Variants in CCDC3 observed in about 807,000 individuals in gnomAD.
CCDC3 encodes coiled-coil domain-containing protein 3.
Under a neutral mutation model 21.4 loss-of-function variants are expected in CCDC3, and 24 were observed. The observed-to-expected ratio is 1.12, with a 90% confidence interval of 0.81 to 1.58. The LOEUF (loss-of-function observed/expected upper bound fraction) is 1.58, where lower values mean the gene tolerates loss of function less well. Among genes scored for constraint, CCDC3 ranks in the 40% most tolerant of loss-of-function variants. The pLI is 0.00. For synonymous variants in CCDC3, 186 were observed against 166.0 expected (o/e 1.12, Z -0.93); for missense variants, 425 against 360.9 (o/e 1.18, Z -1.44).
At chr10:13,057,340 T>C (rs1424943073) in intron 4 of CCDC3, among the ~76,000 whole-genome samples, 4 of 152,062 alleles carry the variant, frequency 2.6e-5, no homozygotes, top group African/African-American at 9.7e-5. Flanking sequence ...AGAAGACTTT[T>C]CATGATTCCT....
chr10:12,993,800 C>T lies in CCDC3; in HGVS notation c.549+4538G>A, dbSNP rs577232754. 2.8e-4 allele frequency among the ~76,000 whole-genome samples: 42 copies of T among 152,244 alleles called. 1 individual carries two copies. In the South Asian group the frequency reaches 7.9e-3, roughly 29 times the overall value. ...AGCTTTTGAAAGAAAGATCCCGTTGCTATTTACTAATGCGTGGGTGGGATA... is the reference window on the plus strand; with the variant it reads ...AGCTTTTGAAAGAAAGATCCCGTTGTTATTTACTAATGCGTGGGTGGGATA... On this transcript the variant is annotated intron_variant, in intron 2 of 2. Coordinates refer to ENST00000378825, the MANE Select transcript of CCDC3 (RefSeq NM_031455.4).
At chr10:12,981,827 A>C (rs749048169) in intron 2 of CCDC3, among the ~76,000 whole-genome samples, 9 of 152,082 alleles carry the variant, frequency 5.9e-5, no homozygotes, top group Non-Finnish European at 1.2e-4. Flanking sequence ...CCATGAGTTA[A>C]AAATGAGAAG....
At chr10:13,039,377 C>T (rs1054813930) in intron 5 of CCDC3, among the ~76,000 whole-genome samples, 1 of 151,064 alleles carries the variant, frequency 6.6e-6, no homozygotes, top group African/African-American at 2.4e-5. Flanking sequence ...GAACTGAGAT[C>T]GTGCCACTGC....
At chr10:13,081,788 G>T (rs938099446) in intron 3 of CCDC3, among the ~76,000 whole-genome samples, 1 of 152,208 alleles carries the variant, frequency 6.6e-6, no homozygotes, top group Non-Finnish European at 1.5e-5. Context: ...TGGCTAAAAT[G>T]GATTAAATAT....
At chr10:13,024,860 G>T (rs1836195373) in intron 5 of CCDC3, among the ~76,000 whole-genome samples, 1 of 152,022 alleles carries the variant, frequency 6.6e-6, no homozygotes, top group Non-Finnish European at 1.5e-5. Context: ...ACATAACTTG[G>T]GTTCTCTTTC....
intron 2 of CCDC3, among the ~76,000 whole-genome samples, chr10:12,942,884 G>A (rs1589015756): frequency 6.6e-6 from 1 of 152,256 alleles, no homozygotes; most frequent in Middle Eastern, 3.4e-3. Flanking sequence ...CACTCCTTGT[G>A]TGTCCTCGTC....
intron 3 of CCDC3, among the ~76,000 whole-genome samples, chr10:13,090,036 T>TAGATAG (rs1188514602): frequency 0.012 from 22 of 1,842 alleles, no homozygotes; most frequent in African/African-American, 0.013. Flanking sequence ...TTCCGTTAGA[T>TAGATAG]ATATATATAT....
intron 2 of CCDC3, among the ~76,000 whole-genome samples, chr10:12,990,861 T>C (rs1835670516): frequency 6.6e-6 from 1 of 152,248 alleles, no homozygotes; most frequent in Admixed American, 6.5e-5. Flanking sequence ...TGTATTTTCA[T>C]GTAGGAATAC....
rs1554756648 is a variant in CCDC3, at chr10:12,960,168, A to ACAACACACACAC, written c.549+38169_549+38170insGTGTGTGTGTTG. ...GACTCCATTTCACACACACACACAC[A>ACAACACACACAC]ACACACACACACACACACACACAAA... On this transcript the variant is annotated intron_variant, in intron 2 of 2. Coordinates refer to ENST00000378825, the MANE Select transcript of CCDC3 (RefSeq NM_031455.4). Among the ~76,000 whole-genome samples the ACAACACACACAC allele has an allele frequency of 4.0e-5, 6 of 148,854 alleles. No homozygotes were observed. The South Asian group carries it at 8.6e-4, about 21-fold the overall frequency.
At chr10:12,967,924 G>A (rs150973980) in intron 2 of CCDC3, among the ~76,000 whole-genome samples, 1,619 of 152,102 alleles carry the variant, frequency 0.011, 22 homozygotes, top group East Asian at 0.046. Context: ...TAATCCCAGC[G>A]CTTTGGGAGG....
chr10:13,042,112 T>C (rs1836465549), intron 5 of CCDC3, among the ~76,000 whole-genome samples: 1 of 152,152 alleles, frequency 6.6e-6, no homozygotes, highest in African/African-American at 2.4e-5. Context: ...TGAAGACCAA[T>C]AGCCTGGATC....
chr10:12,941,420 G>A (rs748604272), intron 2 of CCDC3, among the ~76,000 whole-genome samples: 1 of 152,104 alleles, frequency 6.6e-6, no homozygotes, highest in Non-Finnish European at 1.5e-5. Context: ...CCATGGCCTC[G>A]CCTTGAATTC....
chr10:12,990,739 AT>A (rs1835668721), intron 2 of CCDC3, among the ~76,000 whole-genome samples: 1 of 152,238 alleles, frequency 6.6e-6, no homozygotes, highest in African/African-American at 2.4e-5. Context: ...ATCTCACCAC[AT>A]TTGGAAGGTC....
At chr10:12,938,301 C>A (rs1006751165) in intron 2 of CCDC3, among the ~76,000 whole-genome samples, 1 of 151,962 alleles carries the variant, frequency 6.6e-6, no homozygotes, top group East Asian at 1.9e-4. Context: ...CCAGTCCACA[C>A]GTTCAATACT....
At chr10:12,975,365 C>G (rs549675486) in intron 2 of CCDC3, among the ~76,000 whole-genome samples, 4 of 152,306 alleles carry the variant, frequency 2.6e-5, no homozygotes, top group African/African-American at 9.6e-5. Flanking sequence ...CAGGAACCTT[C>G]CAGAGTTCTG....
chr10:12,990,162 C>G (rs1429016664), intron 2 of CCDC3, among the ~76,000 whole-genome samples: 1 of 150,336 alleles, frequency 6.7e-6, no homozygotes, highest in African/African-American at 2.5e-5. Flanking sequence ...GAGGCTGAGG[C>G]AGGAGAATGG....
intron 2 of CCDC3, among the ~76,000 whole-genome samples, chr10:12,977,178 G>A (rs1331471867): frequency 1.3e-5 from 2 of 152,184 alleles, no homozygotes. Flanking sequence ...GAGAGGCTGA[G>A]GCAGGAGAAT....
At chr10:12,992,214 A>C (rs1242905521) in intron 2 of CCDC3, among the ~76,000 whole-genome samples, 1 of 152,140 alleles carries the variant, frequency 6.6e-6, no homozygotes, top group Non-Finnish European at 1.5e-5. Flanking sequence ...ACATGGTGAA[A>C]CACCATCTCT....
At chr10:13,033,883 C>T (rs1414211063) in intron 5 of CCDC3, among the ~76,000 whole-genome samples, 3 of 152,192 alleles carry the variant, frequency 2.0e-5, no homozygotes, top group Non-Finnish European at 2.9e-5. Flanking sequence ...AACACTTTTA[C>T]ACTGTTGGTG....
Sources: gnomAD v4.1 joint callset for allele counts (sites outside exome capture counted in the v4.1 genomes callset) on GRCh38, gnomAD v4.1.1 for gene constraint, MANE v1.5 for transcripts, NCBI Gene and HGNC (gene_info 2026-07-23, HGNC 2026-07-21) for gene names.